TMEM268: variants seen among roughly 807,000 people sequenced by gnomAD.
TMEM268 encodes transmembrane protein 268, also known as transmembrane protein C9orf91.
TMEM268 carries 24 observed loss-of-function variants against 39.1 expected under a neutral mutation model. The ratio of observed to expected loss-of-function variants is 0.61; its 90% CI spans 0.44 to 0.86. The LOEUF is 0.86. Ranked by LOEUF, TMEM268 falls within the 40% of genes least tolerant of loss-of-function variation. The pLI, the probability that TMEM268 is intolerant of heterozygous loss-of-function variation, is 0.00. For missense variants in TMEM268, 409 were observed against 428.6 expected, an observed-to-expected ratio of 0.95 and a Z score of 0.40; for synonymous variants, 176 against 173.5, an observed-to-expected ratio of 1.01 and a Z score of -0.12.
At chr9:114,614,466 C>A (rs1845623603) in intron 1 of TMEM268, among the ~76,000 whole-genome samples, 1 of 152,192 alleles carries the variant, frequency 6.6e-6, no homozygotes, top group Non-Finnish European at 1.5e-5. Flanking sequence ...GTAGAAGAGG[C>A]CCCACATTTT....
upstream of TMEM268, among the ~76,000 whole-genome samples, chr9:114,610,871 A>G (rs1182646973): frequency 6.6e-6 from 1 of 152,232 alleles, no homozygotes; most frequent in Non-Finnish European, 1.5e-5. Flanking sequence ...ATCACAGCCT[A>G]GTCTGACCCC....
intron 3 of TMEM268, 94 bp downstream of exon 3, chr9:114,624,553 A>T: frequency 6.7e-7 from 1 of 1,499,144 alleles, no homozygotes. Flanking sequence ...TCTTTATGAA[A>T]CAGTCTGTAC....
intron 2 of TMEM268, 58 bp from the exon 3 acceptor site, chr9:114,624,292 C>A: frequency 6.5e-7 from 1 of 1,549,490 alleles, no homozygotes; most frequent in Non-Finnish European, 8.7e-7. Context: ...TTCGGGCTCA[C>A]CCCACGAGCC....
rs775532207 is a variant in TMEM268 at position 114,633,805 on chromosome 9, A to C, written c.512A>C (p.Asn171Thr). The change falls in exon 6 of 9, where the codon AAT becomes ACT. Residue 171 changes from asparagine to threonine, a missense_variant. Asn to Thr is a moderately conservative substitution (Grantham distance 65). Transcript: ENST00000288502. The stretch of plus-strand genomic sequence containing the variant: ...ACGGACCTGAGGCTGGCAGCTGCCA[A>C]TGGAGCCCTCCTGAGACACCGGGTG... ...TNTDLRLAAA[N>T]GALLRHRVLL... 1.2e-6 allele frequency: 2 copies of C among 1,604,912 alleles called. No individual in the cohort carries two copies. The highest frequency in any genetic ancestry group is 2.7e-5 in the African/African-American group (2 of 74,490).
In TMEM268 at chr9:114,611,533, T is replaced by TGGCGGC. The variant is rs3035396; in HGVS notation, c.-90_-85dup. The TGGCGGC allele has an allele frequency of 0.052, 8,575 of 163,526 alleles. 349 individuals are homozygous for TGGCGGC. Among genetic ancestry groups the TGGCGGC allele is most frequent in the East Asian group, 0.16 (868 of 5,520 alleles). 10.1% of individuals were successfully genotyped at this position (163,526 alleles called of 1,614,324 possible). The stretch of plus-strand genomic sequence containing the variant: ...GCCCCCGACCTTCCGCGTCCCGGGG[T>TGGCGGC]GGCGGCGGCGGCGGCGGCGGCGGCG... On this transcript the variant is annotated 5_prime_UTR_variant, in exon 1 of 9. Transcript: ENST00000288502.
intron 2 of TMEM268, among the ~76,000 whole-genome samples, chr9:114,619,416 G>C (rs1236167711): frequency 6.6e-6 from 1 of 152,220 alleles, no homozygotes; most frequent in African/African-American, 2.4e-5. Flanking sequence ...TTAAGGAACA[G>C]ATGAGAGCTG....
At chr9:114,621,731 G>A (rs1304130555) in intron 2 of TMEM268, among the ~76,000 whole-genome samples, 1 of 152,116 alleles carries the variant, frequency 6.6e-6, no homozygotes, top group Admixed American at 6.6e-5. Context: ...GTCCTAGAGA[G>A]AGGAACAGTA....
intron 4 of TMEM268, among the ~76,000 whole-genome samples, chr9:114,627,372 C>T (rs1284330986): frequency 6.6e-6 from 1 of 152,068 alleles, no homozygotes; most frequent in East Asian, 1.9e-4. Context: ...CAGCTCTATT[C>T]ATATATACAT....
At chr9:114,611,844 C>T (rs1808110342) in intron 1 of TMEM268, among the ~76,000 whole-genome samples, 1 of 152,318 alleles carries the variant, frequency 6.6e-6, no homozygotes, top group African/African-American at 2.4e-5. Context: ...ATCCCCCATC[C>T]TCAGCCGACC....
chr9:114,619,743 C>T (rs773692310), intron 2 of TMEM268, among the ~76,000 whole-genome samples: 1 of 152,112 alleles, frequency 6.6e-6, no homozygotes, highest in African/African-American at 2.4e-5. Flanking sequence ...GTTTTCTTTT[C>T]CATGCTGATG....
At chr9:114,618,332 T>A (rs1845816580) in intron 2 of TMEM268, among the ~76,000 whole-genome samples, 1 of 152,168 alleles carries the variant, frequency 6.6e-6, no homozygotes, top group African/African-American at 2.4e-5. Context: ...CCTGTTGTGC[T>A]TTTCCCTTGC....
intron 6 of TMEM268, among the ~76,000 whole-genome samples, chr9:114,636,419 A>G (rs1405435421): frequency 3.9e-5 from 6 of 152,154 alleles, no homozygotes; most frequent in Non-Finnish European, 8.8e-5. Flanking sequence ...GAGGGTTCGG[A>G]GTCTGTCTGG....
intron 2 of TMEM268, among the ~76,000 whole-genome samples, chr9:114,620,634 C>G (rs1376128067): frequency 1.3e-5 from 2 of 152,082 alleles, no homozygotes; most frequent in African/African-American, 4.8e-5. Flanking sequence ...ATCAATGTTG[C>G]TTGATTGTAA....
intron 4 of TMEM268, among the ~76,000 whole-genome samples, chr9:114,627,561 A>G (rs1000047619): frequency 2.0e-5 from 3 of 152,170 alleles, no homozygotes; most frequent in African/African-American, 7.2e-5. Context: ...TTTTGTATGT[A>G]TAAATGGTCA....
At chr9:114,610,786 C>G (rs1277987041), upstream of TMEM268, among the ~76,000 whole-genome samples, 2 of 152,158 alleles carry the variant, frequency 1.3e-5, no homozygotes, top group African/African-American at 4.8e-5. Context: ...TAATTATCTG[C>G]TTTTTACAGA....
intron 8 of TMEM268, among the ~76,000 whole-genome samples, chr9:114,639,504 T>C (rs145448498): frequency 1.1e-4 from 16 of 152,194 alleles, no homozygotes; most frequent in African/African-American, 3.6e-4. Context: ...CAGACCAGAA[T>C]TCTGAAAATG....
intron 5 of TMEM268, among the ~76,000 whole-genome samples, chr9:114,631,290 A>AGAAAAAAAAAAAAAG (rs1389378957): frequency 1.3e-3 from 32 of 23,938 alleles, no homozygotes; most frequent in African/African-American, 3.7e-3. Flanking sequence ...CTCAAAAAAA[A>AGAAAAAAAAAAAAAG]AAAAAAAAAA....
chr9:114,641,792 C>A (rs528528270), intron 8 of TMEM268, among the ~76,000 whole-genome samples: 6 of 152,020 alleles, frequency 3.9e-5, no homozygotes, highest in Non-Finnish European at 8.8e-5. Flanking sequence ...TGTGCCACCA[C>A]ACCTGGCTAA....
chr9:114,635,739 A>G (rs928373561), intron 6 of TMEM268, among the ~76,000 whole-genome samples: 3 of 152,110 alleles, frequency 2.0e-5, no homozygotes, highest in African/African-American at 7.2e-5. Context: ...TCTAAATAGT[A>G]TCTTGGGATG....
Sources: gnomAD v4.1 joint callset for allele counts (sites outside exome capture counted in the v4.1 genomes callset) on GRCh38, gnomAD v4.1.1 for gene constraint, MANE v1.5 for transcripts, NCBI Gene and HGNC (gene_info 2026-07-23, HGNC 2026-07-21) for gene names.